Variants in MAGI2 observed in about 807,000 individuals in gnomAD.
MAGI2 encodes membrane associated guanylate kinase, WW and PDZ domain containing 2.
In MAGI2, 35 loss-of-function variants were observed where a neutral mutation model predicts 133.3. The observed-to-expected ratio is 0.26, with a 90% CI of 0.20 to 0.35. The LOEUF (loss-of-function observed/expected upper bound fraction) is 0.35, where lower values mean the gene tolerates loss of function less well. Ranked by LOEUF, MAGI2 falls within the 10% of genes least tolerant of loss-of-function variation. The pLI, the probability that MAGI2 is intolerant of heterozygous loss-of-function variation, is 1.00. For missense variants in MAGI2, 1,636 were observed against 1,863.4 expected (o/e 0.88, Z 2.25); for synonymous variants, 729 against 710.6 (o/e 1.03, Z -0.41).
intron 1 of MAGI2, among the ~76,000 whole-genome samples, chr7:79,340,075 C>T (rs1299592712): frequency 6.6e-6 from 1 of 152,080 alleles, no homozygotes; most frequent in Non-Finnish European, 1.5e-5. Context: ...CTGTTTTTAA[C>T]ATTTTCCCCC....
intron 21 of MAGI2, among the ~76,000 whole-genome samples, chr7:78,054,092 A>G (rs1337086015): frequency 6.6e-6 from 1 of 152,134 alleles, no homozygotes; most frequent in African/African-American, 2.4e-5. Flanking sequence ...CTTTCTCAAA[A>G]TGGACTCACT....
chr7:78,573,064 TATATATATATATACAC>T (rs1380016915), intron 3 of MAGI2, among the ~76,000 whole-genome samples: 17 of 96,566 alleles, frequency 1.8e-4, no homozygotes, highest in East Asian at 1.4e-3. Context: ...TATATATATA[TATATATATATATACAC>T]ACACACACAC....
At position 79,147,124 on chromosome 7, in the gene MAGI2, T is replaced by G. The variant is rs553961486; in HGVS notation, c.302-139918A>C. Among the ~76,000 whole-genome samples, 7 of 152,364 alleles carry G rather than the reference T, an allele frequency of 4.6e-5. No homozygotes were observed. In the East Asian group the frequency reaches 1.4e-3, roughly 29 times the overall value. On this transcript the variant is annotated intron_variant, in intron 1 of 21. Coordinates refer to ENST00000354212, the MANE Select transcript of MAGI2 (RefSeq NM_012301.4). ...ACTTTTCTCATCTGTAAAACTAGAA[T>G]CGCAGTGTCAACTGCATAGGATTTT... is the stretch of plus-strand genomic sequence containing the variant.
chr7:79,356,736 G>T (rs1452381762), intron 1 of MAGI2, among the ~76,000 whole-genome samples: 1 of 152,160 alleles, frequency 6.6e-6, no homozygotes, highest in Non-Finnish European at 1.5e-5. Context: ...AAAAGAAATA[G>T]ATTGGGTCAC....
intron 20 of MAGI2, among the ~76,000 whole-genome samples, chr7:78,102,783 G>A (rs1818315384): frequency 1.3e-5 from 2 of 152,184 alleles, no homozygotes; most frequent in Non-Finnish European, 2.9e-5. Flanking sequence ...TTTTATAAAT[G>A]AAATTTTACT....
At chr7:79,075,886 A>T (rs1815419700) in intron 1 of MAGI2, among the ~76,000 whole-genome samples, 2 of 152,222 alleles carry the variant, frequency 1.3e-5, no homozygotes, top group Admixed American at 1.3e-4. Context: ...TTGTTAAAAT[A>T]TCAATTCCAT....
rs1832477980 is a variant in MAGI2 at position 79,242,344 on chromosome 7, T to G, written c.301+210676A>C. ...AATTAAAATAAATAAATCTGTAATT[T>G]CATTGACCATTTCTCACAGGTTGTT... On this transcript the variant is annotated intron_variant, in intron 1 of 21. Coordinates refer to ENST00000354212, the MANE Select transcript of MAGI2 (RefSeq NM_012301.4). Among the ~76,000 whole-genome samples, 5 of 152,180 alleles carry G rather than the reference T, an allele frequency of 3.3e-5. No homozygotes were observed. In the South Asian group the frequency reaches 1.0e-3, roughly 31 times the overall value.
At chr7:78,359,557 A>T (rs1792554574) in intron 7 of MAGI2, 1 of 152,188 alleles carries the variant, frequency 6.6e-6, no homozygotes, top group South Asian at 2.1e-4. Context: ...GATATCAAGT[A>T]TATTTATATT....
intron 2 of MAGI2, among the ~76,000 whole-genome samples, chr7:78,867,994 A>G (rs1217445691): frequency 6.6e-6 from 1 of 151,686 alleles, no homozygotes; most frequent in African/African-American, 2.4e-5. Context: ...GTAAGCTGAG[A>G]AAAAAAAAGA....
chr7:78,575,102 A>T (rs1802127539), intron 3 of MAGI2, among the ~76,000 whole-genome samples: 1 of 152,144 alleles, frequency 6.6e-6, no homozygotes, highest in South Asian at 2.1e-4. Context: ...CAACTGAAGT[A>T]ACAACACAGG....
At chr7:79,276,150 A>C (rs1175698461) in intron 1 of MAGI2, among the ~76,000 whole-genome samples, 6 of 152,288 alleles carry the variant, frequency 3.9e-5, no homozygotes, top group African/African-American at 1.4e-4. Flanking sequence ...GGATCTGGGC[A>C]AAGTAAAATT....
At chr7:78,864,165 A>C (rs1482144210) in intron 2 of MAGI2, among the ~76,000 whole-genome samples, 1 of 152,208 alleles carries the variant, frequency 6.6e-6, no homozygotes, top group Non-Finnish European at 1.5e-5. Context: ...TCTTTTAAAT[A>C]CTATATGTGC....
At chr7:79,132,240 T>G (rs1821000598) in intron 1 of MAGI2, among the ~76,000 whole-genome samples, 1 of 152,112 alleles carries the variant, frequency 6.6e-6, no homozygotes, top group Non-Finnish European at 1.5e-5. Context: ...TAGTGTACCC[T>G]TCACCTAAGT....
intron 2 of MAGI2, among the ~76,000 whole-genome samples, chr7:78,672,158 C>T (rs1318779069): frequency 1.3e-5 from 2 of 152,130 alleles, no homozygotes; most frequent in Non-Finnish European, 2.9e-5. Context: ...GTTCAATGTT[C>T]AGGGTGGGGC....
At chr7:79,221,431 G>A (rs1053382223) in intron 1 of MAGI2, among the ~76,000 whole-genome samples, 3 of 151,952 alleles carry the variant, frequency 2.0e-5, no homozygotes, top group Admixed American at 6.6e-5. Flanking sequence ...GAGACAGGGT[G>A]CGGTTTATGG....
intron 1 of MAGI2, among the ~76,000 whole-genome samples, chr7:79,036,646 T>C (rs1811152092): frequency 7.0e-6 from 1 of 143,034 alleles, no homozygotes; most frequent in African/African-American, 2.7e-5. Flanking sequence ...GAAACACATG[T>C]CTGTATTTTC....
intron 2 of MAGI2, among the ~76,000 whole-genome samples, chr7:78,723,605 TTAGGCACAAGAGCAAGAGGGTG>T (rs1820476802): frequency 6.6e-6 from 1 of 152,156 alleles, no homozygotes; most frequent in South Asian, 2.1e-4. Flanking sequence ...AGAGACTAAG[TTAGGCACAAGAGCAAGAGGGTG>T]TAGAGTGAGG....
At chr7:78,747,145 C>G (rs1422877790) in intron 2 of MAGI2, among the ~76,000 whole-genome samples, 1 of 152,114 alleles carries the variant, frequency 6.6e-6, no homozygotes, top group Non-Finnish European at 1.5e-5. Flanking sequence ...TTTCAGAATT[C>G]TCGTGGCTTG....
chr7:78,127,927 A>G (rs1821161064), intron 18 of MAGI2, among the ~76,000 whole-genome samples: 1 of 152,206 alleles, frequency 6.6e-6, no homozygotes, highest in Non-Finnish European at 1.5e-5. Flanking sequence ...GGCTATTTTA[A>G]CCTGCTGAGT....
Sources: gnomAD v4.1 joint callset for allele counts (sites outside exome capture counted in the v4.1 genomes callset) on GRCh38, gnomAD v4.1.1 for gene constraint, MANE v1.5 for transcripts, NCBI Gene and HGNC (gene_info 2026-07-23, HGNC 2026-07-21) for gene names.